The following COL16A1 variants were observed in gnomAD, a reference collection of about 807,000 sequenced individuals.
COL16A1 encodes the protein collagen type XVI alpha 1 chain.
In COL16A1, 189 loss-of-function variants were observed where a neutral mutation model predicts 266.3. The ratio of observed to expected loss-of-function variants is 0.71; its 90% CI spans 0.63 to 0.80. The LOEUF (loss-of-function observed/expected upper bound fraction) is 0.80, where lower values mean the gene tolerates loss of function less well. Ranked by LOEUF, COL16A1 falls within the 30% of genes least tolerant of loss-of-function variation. The pLI, the probability that COL16A1 is intolerant of heterozygous loss-of-function variation, is 0.00. For synonymous variants in COL16A1, 740 were observed against 782.3 expected, an observed-to-expected ratio of 0.95 and a Z score of 0.90; for missense variants, 1,928 against 2,122.4, an observed-to-expected ratio of 0.91 and a Z score of 1.80.
rs745363130 is a variant in COL16A1 at position 31,693,108 on chromosome 1, C to T, written c.1055G>A (p.Gly352Glu). Reference protein sequence around the residue: ...RGLPGPPGSKGEKGARGNDCV... With the variant: ...RGLPGPPGSKEEKGARGNDCV... ...GACACTTACCCGTGCTCCCTTCTCT[C>T]CCTTGGAGCCTGGTGGACCAGGCAG... The change falls in exon 13 of 71, where the codon GGA becomes GAA. Residue 352 changes from glycine to glutamate, a missense_variant. This residue lies in a region of COL16A1 where 1,552 missense variants were observed against 1,637.2 expected (regional missense o/e 0.95). Transcript: ENST00000373672. The T allele has an allele frequency of 6.2e-6, 10 of 1,611,456 alleles. No individual in the cohort carries two copies. The highest frequency in any genetic ancestry group is 8.5e-6 in the Non-Finnish European group (10 of 1,177,808).
intron 61 of COL16A1, 124 bp downstream of exon 61, chr1:31,660,942 C>G: frequency 8.9e-7 from 1 of 1,123,192 alleles, no homozygotes; most frequent in South Asian, 1.6e-5. Flanking sequence ...GGTGACACCC[C>G]TCCCAGAAGG....
intron 58 of COL16A1, 23 bp downstream of exon 58, chr1:31,662,310 CG>C (rs1557617359): frequency 1.7e-5 from 28 of 1,601,476 alleles, no homozygotes; most frequent in South Asian, 2.2e-5. Context: ...AAGGGGTGCC[CG>C]CCCTCCCAGC....
At chr1:31,691,037 G>A (rs1259208164) in intron 20 of COL16A1, 151 bp downstream of exon 20, 3 of 1,256,266 alleles carry the variant, frequency 2.4e-6, no homozygotes, top group Non-Finnish European at 3.3e-6. Flanking sequence ...CCCGCCAAGG[G>A]GCCTGGCCAA....
rs748161397 is a variant in COL16A1, at chr1:31,668,134, C to T, written c.3303+31G>A. The T allele has an allele frequency of 2.5e-6, 4 of 1,592,928 alleles. No homozygotes were observed. The highest frequency in any genetic ancestry group is 4.5e-5 in the East Asian group (2 of 44,508). The stretch of plus-strand genomic sequence containing the variant: ...CAGCCCAAACCTCTGGTACCTGGCA[C>T]CCACTCCCCAGCAAGGGTCCCCTTA... On this transcript the variant is annotated intron_variant, in intron 51 of 70. Transcript: ENST00000373672. The surrounding 1 kb of genome is among the most constrained non-coding windows in gnomAD (Gnocchi z 5.8).
At chr1:31,658,621 C>G (rs1235663167) in intron 63 of COL16A1, 44 bp from the exon 64 acceptor site, 5 of 1,508,474 alleles carry the variant, frequency 3.3e-6, no homozygotes, top group Non-Finnish European at 4.5e-6. Flanking sequence ...GGAAAGCAGG[C>G]AAAGTGGACT....
intron 26 of COL16A1, among the ~76,000 whole-genome samples, chr1:31,686,896 A>G (rs1011035827): frequency 6.6e-6 from 1 of 152,254 alleles, no homozygotes; most frequent in African/African-American, 2.4e-5. Context: ...GACATATTCC[A>G]TAATGGAAAG....
At chr1:31,667,477 A>T in intron 52 of COL16A1, 98 bp downstream of exon 52, 1 of 1,034,594 alleles carries the variant, frequency 9.7e-7, no homozygotes, top group Non-Finnish European at 1.4e-6. Context: ...AGCAGGGGTC[A>T]CGATCCTCCC....
intron 63 of COL16A1, 115 bp downstream of exon 63, chr1:31,658,799 G>C: frequency 7.8e-7 from 1 of 1,287,568 alleles, no homozygotes; most frequent in South Asian, 1.3e-5. Context: ...TGACACCAGG[G>C]AAGGAGGGGA....
chr1:31,654,917 A>G (rs1200333993), intron 67 of COL16A1, 59 bp from the exon 68 acceptor site: 67 of 1,568,286 alleles, frequency 4.3e-5, no homozygotes, highest in Admixed American at 1.7e-4. Flanking sequence ...ATTTTCCCCT[A>G]TGGAAATAAA....
At chr1:31,683,607 T>TG in intron 34 of COL16A1, 100 bp downstream of exon 34, 1 of 1,606,994 alleles carries the variant, frequency 6.2e-7, no homozygotes, top group Non-Finnish European at 8.5e-7. Context: ...CCTGTGCCTC[T>TG]GGGGGCAGGC....
rs769626916 is a variant in COL16A1, at chr1:31,686,130, T to G, written c.1845A>C (p.Pro615=). ...GEAGPAGSPG[P]PGPVGPAGIK... ...TGCCTGCTGGCCCCACTGGTCCTGGTGGCCCCTGCATGTTAAGACGCTACA... is the reference window on the plus strand; with the variant it reads ...TGCCTGCTGGCCCCACTGGTCCTGGGGGCCCCTGCATGTTAAGACGCTACA... Residue 615 remains proline (P), a synonymous_variant, in exon 28 of 71, where the codon CCA becomes CCC. Transcript: ENST00000373672. 1 of 1,613,948 alleles carries G rather than the reference T, an allele frequency of 6.2e-7. No homozygotes were observed. Among genetic ancestry groups the G allele is most frequent in the African/African-American group, 1.3e-5 (1 of 74,856 alleles).
intron 52 of COL16A1, 64 bp from the exon 53 acceptor site, chr1:31,666,145 AT>A: frequency 1.3e-6 from 2 of 1,524,528 alleles, no homozygotes; most frequent in South Asian, 2.3e-5. Context: ...AGGTAGGGGG[AT>A]GTGACAGGGG....
intron 42 of COL16A1, chr1:31,679,130 C>T (rs1386886774): frequency 3.2e-6 from 1 of 312,724 alleles, no homozygotes; most frequent in Non-Finnish European, 5.9e-6. Context: ...TTACCATTCT[C>T]CTTAGTATGT....
chr1:31,690,650 G>A lies in COL16A1; in HGVS notation c.1438-77C>T, dbSNP rs1570555526. The A allele has an allele frequency of 8.3e-6, 13 of 1,563,778 alleles. No homozygotes were observed. In the East Asian group the frequency reaches 3.0e-4, roughly 36 times the overall value. On this transcript the variant is annotated intron_variant, in intron 20 of 70. Transcript: ENST00000373672. ...GGTGCGTTCCCCCTTCCCCACCCGT[G>A]CCCCTCTGTGATGGCAGAACAATCG...
intron 17 of COL16A1, 52 bp from the exon 18 acceptor site, chr1:31,691,694 GC>G (rs1644277827): frequency 6.3e-7 from 1 of 1,581,412 alleles, no homozygotes; most frequent in Non-Finnish European, 8.6e-7. Flanking sequence ...GCCTGGCACC[GC>G]CCCACTGGGA....
chr1:31,684,890 C>G, intron 29 of COL16A1, 34 bp from the exon 30 acceptor site: 1 of 1,612,598 alleles, frequency 6.2e-7, no homozygotes, highest in Non-Finnish European at 8.5e-7. Context: ...CCCGCTCACT[C>G]ATACCAGCCA....
At chr1:31,655,224 T>C (rs1393781640) in intron 67 of COL16A1, 90 bp downstream of exon 67, 63 of 1,517,872 alleles carry the variant, frequency 4.2e-5, no homozygotes, top group Non-Finnish European at 5.5e-5. Context: ...TCCCACAGAA[T>C]GTCAGCAGGA....
chr1:31,697,603 C>G lies in COL16A1; in HGVS notation c.657+303G>C, dbSNP rs963422486. Among the ~76,000 whole-genome samples, 1 of 152,134 alleles carries G rather than the reference C, an allele frequency of 6.6e-6. No homozygotes were observed. The highest frequency in any genetic ancestry group is 1.5e-5 in the Non-Finnish European group (1 of 68,036). ...GGAAAGGCATTCCAGGTGGAGGTAA[C>G]AGCGTAGGCAAAGGCACGGCAGTGT... On this transcript the variant is annotated intron_variant, in intron 6 of 70. Coordinates refer to ENST00000373672, the MANE Select transcript of COL16A1 (RefSeq NM_001856.4). The surrounding 1 kb of genome is among the most constrained non-coding windows in gnomAD (Gnocchi z 4.2).
At chr1:31,653,178 A>G (rs974484207) in intron 70 of COL16A1, among the ~76,000 whole-genome samples, 2 of 152,222 alleles carry the variant, frequency 1.3e-5, no homozygotes, top group Non-Finnish European at 2.9e-5. Context: ...ACCTCTGGTA[A>G]GTTGTGATGC....
Sources: allele counts gnomAD v4.1 joint callset (sites outside exome capture counted in the v4.1 genomes callset), GRCh38; gene constraint gnomAD v4.1.1; regional missense constraint gnomAD v4.1.1; non-coding constraint Gnocchi (gnomAD v3.1); transcripts MANE v1.5; gene names NCBI Gene and HGNC (gene_info 2026-07-23, HGNC 2026-07-21).